Variants in EPB41L3 observed in about 807,000 individuals in gnomAD.
The protein encoded by EPB41L3 is band 4.1-like protein 3.
In EPB41L3, 57 loss-of-function variants were observed where a neutral mutation model predicts 127.1. The ratio of observed to expected loss-of-function variants is 0.45; its 90% CI spans 0.36 to 0.56. EPB41L3 has a LOEUF of 0.56. Among genes scored for constraint, EPB41L3 ranks in the 20% least tolerant of loss-of-function variants. The probability of loss-of-function intolerance (pLI) is 0.00; values close to 1 mark genes in which losing one functional copy is unlikely to be tolerated. For synonymous variants in EPB41L3, 572 were observed against 549.5 expected, an observed-to-expected ratio of 1.04 and a Z score of -0.57; for missense variants, 1,273 against 1,372.2, an observed-to-expected ratio of 0.93 and a Z score of 1.14.
At chr18:5,546,462 A>G (rs1330277128), upstream of EPB41L3, among the ~76,000 whole-genome samples, 1 of 151,326 alleles carries the variant, frequency 6.6e-6, no homozygotes, top group Admixed American at 6.6e-5. Context: ...CCTGAGAGGT[A>G]GAGGTTGCAG....
At chr18:5,453,343 T>A (rs984484859) in intron 3 of EPB41L3, among the ~76,000 whole-genome samples, 1 of 152,172 alleles carries the variant, frequency 6.6e-6, no homozygotes, top group Non-Finnish European at 1.5e-5. Flanking sequence ...GGAGAGCAAG[T>A]TGTTTTGCAT....
At chr18:5,603,268 A>G (rs963146633) in intron 3 of EPB41L3, among the ~76,000 whole-genome samples, 1 of 152,182 alleles carries the variant, frequency 6.6e-6, no homozygotes, top group East Asian at 1.9e-4. Context: ...GAAAATGAAC[A>G]AAGTCACTTT....
At chr18:5,504,733 T>G (rs1413870240) in intron 1 of EPB41L3, among the ~76,000 whole-genome samples, 1 of 152,160 alleles carries the variant, frequency 6.6e-6, no homozygotes, top group African/African-American at 2.4e-5. Context: ...GTATTTTCAG[T>G]TGTCCCCCAT....
chr18:5,403,774 T>A (rs1486411805), intron 16 of EPB41L3, among the ~76,000 whole-genome samples: 2 of 152,156 alleles, frequency 1.3e-5, no homozygotes, highest in Admixed American at 6.5e-5. Context: ...ACTGGTTGAC[T>A]ACTGTTTAAT....
chr18:5,608,861 T>C (rs529683420), intron 3 of EPB41L3, among the ~76,000 whole-genome samples: 1 of 152,236 alleles, frequency 6.6e-6, no homozygotes, highest in African/African-American at 2.4e-5. Flanking sequence ...GCTGATTAGG[T>C]GATAATTGTG....
At chr18:5,567,372 T>C (rs137928145) in intron 3 of EPB41L3, 2 of 152,350 alleles carry the variant, frequency 1.3e-5, no homozygotes, top group East Asian at 1.9e-4. Context: ...CAATGACTGA[T>C]TAACAAATTG....
In EPB41L3 at chr18:5,502,304, G is replaced by GA. The variant is rs796567066; in HGVS notation, c.-11-13111dup. 6.0e-3 allele frequency among the ~76,000 whole-genome samples: 850 copies of GA among 141,538 alleles called. 2 individuals carry two copies. Among genetic ancestry groups the GA allele is most frequent in the Non-Finnish European group, 7.7e-3 (494 of 64,230 alleles). The allele number at this position is 141,538 out of a possible 152,430, so 92.9% of individuals were successfully genotyped here. A position where few individuals can be genotyped will look rare whatever the true frequency, so the allele number is the denominator to read the frequency against. On this transcript the variant is annotated intron_variant, in intron 1 of 22. Coordinates refer to ENST00000341928, the MANE Select transcript of EPB41L3 (RefSeq NM_012307.5). ...GGAGACTAACTCAGAAATAAATTTG[G>GA]AAAAAAAAAAAACCTGAAAGGCTGA...
chr18:5,586,077 C>T (rs1334689373), intron 3 of EPB41L3, among the ~76,000 whole-genome samples: 1 of 152,098 alleles, frequency 6.6e-6, no homozygotes, highest in Non-Finnish European at 1.5e-5. Flanking sequence ...TTTTTCATAC[C>T]CCTCTATAAA....
At chr18:5,537,032 A>G (rs2093595469) in intron 1 of EPB41L3, among the ~76,000 whole-genome samples, 1 of 152,172 alleles carries the variant, frequency 6.6e-6, no homozygotes, top group Non-Finnish European at 1.5e-5. Context: ...TTTAATCCTC[A>G]TATCCTTCAG....
chr18:5,489,899 C>A (rs1268746262), intron 1 of EPB41L3, among the ~76,000 whole-genome samples: 2 of 152,180 alleles, frequency 1.3e-5, no homozygotes. Context: ...TATCTCATAT[C>A]TCATAGGGAA....
At chr18:5,423,719 T>A (rs142289777) in intron 10 of EPB41L3, among the ~76,000 whole-genome samples, 166 bp from the exon 11 acceptor site, 1 of 152,212 alleles carries the variant, frequency 6.6e-6, no homozygotes, top group African/African-American at 2.4e-5. Context: ...ATAGTATATA[T>A]CAACTAGGGA....
At chr18:5,445,401 A>G (rs540352928) in intron 3 of EPB41L3, among the ~76,000 whole-genome samples, 157 bp from the exon 4 acceptor site, 1 of 152,328 alleles carries the variant, frequency 6.6e-6, no homozygotes, top group East Asian at 1.9e-4. Context: ...TTTAAGTGCA[A>G]AAATGGCTAA....
chr18:5,544,363 G>A, upstream of EPB41L3: 1 of 973,428 alleles, frequency 1.0e-6, no homozygotes, highest in Non-Finnish European at 1.2e-6. Context: ...GGGAGAGGGT[G>A]TTCCTGACCT....
At chr18:5,518,974 T>A (rs576770329) in intron 1 of EPB41L3, among the ~76,000 whole-genome samples, 1 of 152,352 alleles carries the variant, frequency 6.6e-6, no homozygotes, top group African/African-American at 2.4e-5. Context: ...TCCGTCTGTT[T>A]GGCAAATTAA....
intron 3 of EPB41L3, among the ~76,000 whole-genome samples, chr18:5,470,797 A>G (rs1440932075): frequency 6.6e-6 from 1 of 152,216 alleles, no homozygotes; most frequent in African/African-American, 2.4e-5. Flanking sequence ...TCTAGAAAGA[A>G]GTCGGGTAAA....
intron 3 of EPB41L3, among the ~76,000 whole-genome samples, chr18:5,596,610 G>A (rs2094539042): frequency 6.6e-6 from 1 of 152,114 alleles, no homozygotes; most frequent in African/African-American, 2.4e-5. Context: ...ATATTGCTGA[G>A]GTTATAAAGA....
intron 1 of EPB41L3, among the ~76,000 whole-genome samples, chr18:5,500,995 G>A (rs899826117): frequency 6.6e-6 from 1 of 152,064 alleles, no homozygotes; most frequent in African/African-American, 2.4e-5. Context: ...AACAAAGGAG[G>A]GGGAGTAGGA....
At chr18:5,571,112 A>G (rs749690468) in intron 3 of EPB41L3, among the ~76,000 whole-genome samples, 1 of 152,222 alleles carries the variant, frequency 6.6e-6, no homozygotes, top group Non-Finnish European at 1.5e-5. Context: ...AAAGTGAAAA[A>G]CTGGCATTCT....
rs201964243 is a variant in EPB41L3 at position 5,428,272 on chromosome 18, A to C, written c.1065+41T>G. The C allele has an allele frequency of 1.2e-5, 20 of 1,608,322 alleles. No homozygotes were observed. In the African/African-American group the frequency reaches 2.7e-4, roughly 21 times the overall value. On this transcript the variant is annotated intron_variant, in intron 9 of 22. Transcript: ENST00000341928. ...TTTAAATGCTTGCTTGCTATCAGGGATCTTTCCTCCCAACGCACAGGCAAA... is the reference window on the plus strand; with the variant it reads ...TTTAAATGCTTGCTTGCTATCAGGGCTCTTTCCTCCCAACGCACAGGCAAA...
Sources: allele counts gnomAD v4.1 joint callset (sites outside exome capture counted in the v4.1 genomes callset), GRCh38; gene constraint gnomAD v4.1.1; transcripts MANE v1.5; gene names NCBI Gene and HGNC (gene_info 2026-07-23, HGNC 2026-07-21).